PPP2R5B: variants seen among roughly 807,000 people sequenced by gnomAD.
The protein encoded by PPP2R5B is serine/threonine-protein phosphatase 2A 56 kDa regulatory subunit beta isoform.
A neutral mutation model predicts 59.9 loss-of-function variants in PPP2R5B; 19 were observed. That is an observed-to-expected ratio of 0.32 (90% CI 0.22 to 0.47). The LOEUF (loss-of-function observed/expected upper bound fraction) is 0.47, where lower values mean the gene tolerates loss of function less well. Ranked by LOEUF, PPP2R5B falls within the 20% of genes least tolerant of loss-of-function variation. The probability of loss-of-function intolerance (pLI) is 1.00; values close to 1 mark genes in which losing one functional copy is unlikely to be tolerated. For missense variants in PPP2R5B, 441 were observed against 640.2 expected, an observed-to-expected ratio of 0.69 and a Z score of 3.36; for synonymous variants, 286 against 260.5, an observed-to-expected ratio of 1.10 and a Z score of -0.94.
upstream of PPP2R5B, among the ~76,000 whole-genome samples, chr11:64,921,381 G>C (rs879819157): frequency 3.3e-5 from 5 of 152,086 alleles, no homozygotes; most frequent in Non-Finnish European, 7.3e-5. Flanking sequence ...TCCCCATAGA[G>C]AGAAAATGGG....
Position 64,925,998 on chromosome 11 carries a change from G to A in PPP2R5B, c.199+65G>A. 1 of 1,507,992 alleles carries A rather than the reference G, an allele frequency of 6.6e-7. No homozygotes were observed. The highest frequency in any genetic ancestry group is 9.0e-7 in the Non-Finnish European group (1 of 1,109,532). 93.4% of individuals were successfully genotyped at this position (1,507,992 alleles called of 1,614,324 possible). ...AGGGGACCAGCAGGGCCATGGGGAG[G>A]GGTGGGAGGCAGCGGGCAGCTGCCA... On this transcript the variant is annotated intron_variant, in intron 2 of 13. Coordinates refer to ENST00000164133, the MANE Select transcript of PPP2R5B (RefSeq NM_006244.4). The surrounding 1 kb of genome is among the most constrained non-coding windows in gnomAD (Gnocchi z 4.6).
chr11:64,931,857 C>A lies in PPP2R5B; in HGVS notation c.1105C>A (p.Pro369Thr), dbSNP rs1945230629. ...GCAGGTGGCTCGCTGTGTTTCCAGC[C>A]CCCATTTCCAGGTATGAGGCAGGAC... ...FKQVARCVSS[P>T]HFQVAERALY... is the part of the protein sequence containing the mutation. Residue 369 changes from proline to threonine, a missense_variant, in exon 11 of 14, where the codon CCC (proline) becomes ACC (threonine). Physicochemically the swap from Pro to Thr is conservative, Grantham distance 38 (BLOSUM62 -1). This residue lies in a region of PPP2R5B where 268 missense variants were observed against 488.1 expected (regional missense o/e 0.55). Coordinates refer to ENST00000164133, the MANE Select transcript of PPP2R5B (RefSeq NM_006244.4). This position sits in a 1 kb window ranked among gnomAD's most constrained non-coding sequence, Gnocchi z 5.0. 1 of 1,613,954 alleles carries A rather than the reference C, an allele frequency of 6.2e-7. No individual in the cohort carries two copies. Among genetic ancestry groups the A allele is most frequent in the Admixed American group, 1.7e-5 (1 of 59,990 alleles).
At chr11:64,927,630 C>T in intron 3 of PPP2R5B, 172 bp from the exon 4 acceptor site, 1 of 599,006 alleles carries the variant, frequency 1.7e-6, no homozygotes, top group Non-Finnish European at 2.9e-6. Flanking sequence ...TTGAGCCTGC[C>T]TGGGAGGTTG....
upstream of PPP2R5B, chr11:64,922,889 G>GT (rs576374824): frequency 8.1e-5 from 12 of 148,984 alleles, no homozygotes; most frequent in Admixed American, 1.3e-4. Flanking sequence ...AAAAAAAAAA[G>GT]TTTTTTTTTT....
At chr11:64,920,402 A>C (rs149570462), upstream of PPP2R5B, among the ~76,000 whole-genome samples, 2 of 152,180 alleles carry the variant, frequency 1.3e-5, no homozygotes, top group African/African-American at 4.8e-5. Context: ...ACAGCAGAAG[A>C]TTAGACAGGA....
At position 64,931,683 on chromosome 11, in the gene PPP2R5B, T is replaced by A; in HGVS notation, c.997-66T>A. 1 of 1,613,818 alleles carries A rather than the reference T, an allele frequency of 6.2e-7. No homozygotes were observed. Among genetic ancestry groups the A allele is most frequent in the Non-Finnish European group, 8.5e-7 (1 of 1,179,920 alleles). ...GGCCTCTAGAAGGCAGTCAGGTGTGTGTATGTGTAGGGGGAGATGTGAGCT... is the reference window on the plus strand; with the variant it reads ...GGCCTCTAGAAGGCAGTCAGGTGTGAGTATGTGTAGGGGGAGATGTGAGCT... On this transcript the variant is annotated intron_variant, in intron 10 of 13. Coordinates refer to ENST00000164133, the MANE Select transcript of PPP2R5B (RefSeq NM_006244.4). The surrounding 1 kb of genome is among the most constrained non-coding windows in gnomAD (Gnocchi z 5.0).
chr11:64,918,144 TCA>T (rs1464944174), intron 1 of PPP2R5B: 2 of 152,242 alleles, frequency 1.3e-5, no homozygotes, highest in Non-Finnish European at 1.5e-5. Context: ...CGTTTTAGTG[TCA>T]CACAGTCTTG....
At chr11:64,929,821 C>T (rs982455018) in intron 6 of PPP2R5B, among the ~76,000 whole-genome samples, 1 of 152,194 alleles carries the variant, frequency 6.6e-6, no homozygotes, top group African/African-American at 2.4e-5. Flanking sequence ...CAGCATAGCT[C>T]CTGGACTGAG....
chr11:64,918,553 A>T (rs1216331064), intron 1 of PPP2R5B, among the ~76,000 whole-genome samples: 1 of 151,802 alleles, frequency 6.6e-6, no homozygotes, highest in African/African-American at 2.4e-5. Flanking sequence ...CTGGTCTCGA[A>T]CTCCTGACCT....
upstream of PPP2R5B, among the ~76,000 whole-genome samples, chr11:64,920,038 G>C (rs1042852308): frequency 6.6e-6 from 1 of 151,630 alleles, no homozygotes; most frequent in African/African-American, 2.4e-5. Context: ...ACTTGATCCC[G>C]GGGGGCAGAG....
rs559844218 is a variant in PPP2R5B, at chr11:64,934,079, G to C, written c.*235G>C. The C allele has an allele frequency of 2.2e-6, 1 of 462,434 alleles. No homozygotes were observed. Among genetic ancestry groups the C allele is most frequent in the East Asian group, 3.5e-5 (1 of 28,338 alleles). 28.6% of individuals were successfully genotyped at this position (462,434 alleles called of 1,614,324 possible). ...ACTTGACAAGGGCAAGCTTGACCAGGAAGCTGCCATCAGGGATCTTCCCCT... is the reference window on the plus strand; with the variant it reads ...ACTTGACAAGGGCAAGCTTGACCAGCAAGCTGCCATCAGGGATCTTCCCCT... On this transcript the variant is annotated 3_prime_UTR_variant, in exon 14 of 14. Transcript: ENST00000164133.
chr11:64,927,588 A>G (rs1945181728), intron 3 of PPP2R5B: 1 of 562,664 alleles, frequency 1.8e-6, no homozygotes, highest in African/African-American at 1.9e-5. Context: ...ACTGTAGTCC[A>G]GCTACTCAGA....
chr11:64,927,610 G>T (rs1945181877), intron 3 of PPP2R5B, 192 bp from the exon 4 acceptor site: 1 of 582,494 alleles, frequency 1.7e-6, no homozygotes, highest in Non-Finnish European at 3.0e-6. Flanking sequence ...GGCTGAGGTG[G>T]GAGGATCGCT....
chr11:64,928,908 C>T (rs1411983424), intron 6 of PPP2R5B, among the ~76,000 whole-genome samples: 3 of 151,450 alleles, frequency 2.0e-5, no homozygotes, highest in Non-Finnish European at 4.4e-5. Flanking sequence ...GTGGAGTTTA[C>T]AGTGAGCCGA....
Position 64,925,695 on chromosome 11 carries a change from C to T in PPP2R5B, c.-40C>T, listed in dbSNP as rs775416876. ...CAGCACCTCCCAGGCCCAGAGAGAA[C>T]CCCCGGGGCTCTGAAAGCTTGCCCT... On this transcript the variant is annotated 5_prime_UTR_variant, in exon 2 of 14. Coordinates refer to ENST00000164133, the MANE Select transcript of PPP2R5B (RefSeq NM_006244.4). The surrounding 1 kb of genome is among the most constrained non-coding windows in gnomAD (Gnocchi z 4.6). 7 of 1,327,860 alleles carry T rather than the reference C, an allele frequency of 5.3e-6. No homozygotes were observed. In the Admixed American group the frequency reaches 5.7e-5, roughly 11 times the overall value. The allele number at this position is 1,327,860 out of a possible 1,614,324, so 82.3% of individuals were successfully genotyped here.
intron 6 of PPP2R5B, among the ~76,000 whole-genome samples, chr11:64,929,809 C>T (rs1945208588): frequency 6.6e-6 from 1 of 152,192 alleles, no homozygotes; most frequent in Non-Finnish European, 1.5e-5. Context: ...CTGCAAAGCA[C>T]TCAGCATAGC....
At chr11:64,922,845 A>G (rs892107354), upstream of PPP2R5B, 1 of 151,940 alleles carries the variant, frequency 6.6e-6, no homozygotes, top group Non-Finnish European at 1.5e-5. Context: ...ACTGCACTCC[A>G]GCCTGGGCAA....
rs770287329 is a variant in PPP2R5B at position 64,925,622 on chromosome 11, C to A, written c.-113C>A. The A allele has an allele frequency of 9.4e-5, 52 of 550,494 alleles. 2 individuals are homozygous for A. The highest frequency in any genetic ancestry group is 2.1e-4 in the African/African-American group (10 of 48,440). The allele number at this position is 550,494 out of a possible 1,614,324, so 34.1% of individuals were successfully genotyped here. On this transcript the variant is annotated 5_prime_UTR_variant, in exon 2 of 14. Transcript: ENST00000164133. This position sits in a 1 kb window ranked among gnomAD's most constrained non-coding sequence, Gnocchi z 4.6. The stretch of plus-strand genomic sequence containing the variant: ...CCCAGGACTGTGGTTGTGCCCCCCC[C>A]CCAAAGGCCGGACAGGATGGGACCA...
At chr11:64,920,630 G>GTTT (rs773354729), upstream of PPP2R5B, among the ~76,000 whole-genome samples, 3 of 58,036 alleles carry the variant, frequency 5.2e-5, no homozygotes, top group Non-Finnish European at 1.1e-4. Context: ...AGGTCCAGCA[G>GTTT]TTATTTTTTT....
Sources: gnomAD v4.1 joint callset for allele counts (sites outside exome capture counted in the v4.1 genomes callset) on GRCh38, gnomAD v4.1.1 for gene constraint, gnomAD v4.1.1 regional missense constraint, Gnocchi (gnomAD v3.1) non-coding constraint, MANE v1.5 for transcripts, NCBI Gene and HGNC (gene_info 2026-07-23, HGNC 2026-07-21) for gene names.